IPO7: variants seen among roughly 807,000 people sequenced by gnomAD.
The protein encoded by IPO7 is importin 7, also known as importin-7.
Under a neutral mutation model 136.4 loss-of-function variants are expected in IPO7, and 13 were observed. The ratio of observed to expected loss-of-function variants is 0.10; its 90% CI spans 0.06 to 0.15. The LOEUF (loss-of-function observed/expected upper bound fraction) is 0.15, where lower values mean the gene tolerates loss of function less well. Ranked by LOEUF, IPO7 falls within the 10% of genes least tolerant of loss-of-function variation. The probability of loss-of-function intolerance (pLI) is 1.00; values close to 1 mark genes in which losing one functional copy is unlikely to be tolerated. For missense variants in IPO7, 857 were observed against 1,240.6 expected, an observed-to-expected ratio of 0.69 and a Z score of 4.65; for synonymous variants, 403 against 404.4, an observed-to-expected ratio of 1.00 and a Z score of 0.04.
intron 1 of IPO7, among the ~76,000 whole-genome samples, chr11:9,391,175 G>A (rs1306761484): frequency 2.6e-5 from 4 of 152,040 alleles, no homozygotes; most frequent in East Asian, 1.9e-4. Context: ...CGAGGTGGGC[G>A]GATCACAAGG....
intron 6 of IPO7, among the ~76,000 whole-genome samples, chr11:9,417,694 T>C (rs369947877): frequency 1.3e-5 from 2 of 151,654 alleles, no homozygotes; most frequent in East Asian, 3.8e-4. Flanking sequence ...AATTTTTCTT[T>C]ATAGTCTAGT....
At chr11:9,411,691 A>G (rs1222320086) in intron 4 of IPO7, among the ~76,000 whole-genome samples, 3 of 152,174 alleles carry the variant, frequency 2.0e-5, no homozygotes, top group Non-Finnish European at 4.4e-5. Flanking sequence ...AGGATTTTCT[A>G]TGAGTATGGT....
At chr11:9,412,165 G>A (rs1171185854) in intron 4 of IPO7, among the ~76,000 whole-genome samples, 2 of 152,164 alleles carry the variant, frequency 1.3e-5, no homozygotes, top group Non-Finnish European at 2.9e-5. Flanking sequence ...GAAATAATTT[G>A]TCAGTAGATA....
intron 1 of IPO7, among the ~76,000 whole-genome samples, chr11:9,396,556 A>G (rs1449375191): frequency 6.6e-6 from 1 of 152,136 alleles, no homozygotes; most frequent in Admixed American, 6.5e-5. Context: ...GAAAATTCAT[A>G]TCTTACCAGT....
At chr11:9,426,254 A>C (rs2133753189) in intron 12 of IPO7, among the ~76,000 whole-genome samples, 2 of 152,326 alleles carry the variant, frequency 1.3e-5, no homozygotes, top group Middle Eastern at 3.4e-3. Context: ...TGGACATTTT[A>C]TATAAATGGA....
intron 1 of IPO7, 137 bp downstream of exon 1, chr11:9,384,984 C>T (rs1854530611): frequency 7.6e-6 from 5 of 654,228 alleles, no homozygotes; most frequent in Admixed American, 5.7e-5. Flanking sequence ...CATCTGACGG[C>T]GACTTCCACG....
chr11:9,439,588 G>A (rs1337208546), intron 22 of IPO7, among the ~76,000 whole-genome samples: 1 of 150,774 alleles, frequency 6.6e-6, no homozygotes, highest in Admixed American at 6.6e-5. Context: ...TTTTTTTGTT[G>A]TTGTTGTTGA....
intron 6 of IPO7, among the ~76,000 whole-genome samples, chr11:9,419,230 C>T (rs538968836): frequency 2.6e-5 from 4 of 152,052 alleles, no homozygotes; most frequent in Admixed American, 6.6e-5. Flanking sequence ...TCTGTATATT[C>T]ACTTCCTTAT....
intron 1 of IPO7, among the ~76,000 whole-genome samples, chr11:9,387,069 T>G (rs1419793361): frequency 6.6e-6 from 1 of 152,228 alleles, no homozygotes; most frequent in African/African-American, 2.4e-5. Flanking sequence ...GGGAGACAGA[T>G]CTCAGACAAG....
chr11:9,428,441 G>A, intron 12 of IPO7, 99 bp from the exon 13 acceptor site: 1 of 528,372 alleles, frequency 1.9e-6, no homozygotes, highest in South Asian at 3.9e-5. Flanking sequence ...ATAAATATAT[G>A]TAACATTAAT....
At chr11:9,393,480 A>G (rs569782319) in intron 1 of IPO7, among the ~76,000 whole-genome samples, 2 of 152,134 alleles carry the variant, frequency 1.3e-5, no homozygotes, top group Admixed American at 1.3e-4. Flanking sequence ...CCTGGGTTCA[A>G]GCAGTTCTCC....
chr11:9,397,332 T>TAAAAAAAAAAAAAAAAAA lies in IPO7; in HGVS notation c.85-5958_85-5957insAAAAAAAAAAAAAAAAAA, dbSNP rs757736784. ...AAACCCCGTCTTTACTAAAAATAATTTAAAAAAAAATATATATATATATAT... is the reference window on the plus strand; with the variant it reads ...AAACCCCGTCTTTACTAAAAATAATTAAAAAAAAAAAAAAAAAATAAAAAAAAATATATATATATATAT... On this transcript the variant is annotated intron_variant, in intron 1 of 24. Coordinates refer to ENST00000379719, the MANE Select transcript of IPO7 (RefSeq NM_006391.3). 2.4e-3 allele frequency among the ~76,000 whole-genome samples: 29 copies of TAAAAAAAAAAAAAAAAAA among 12,138 alleles called. 13 individuals are homozygous for TAAAAAAAAAAAAAAAAAA. The highest frequency in any genetic ancestry group is 3.2e-3 in the Admixed American group (2 of 634). The allele number at this position is 12,138 out of a possible 152,430, so 8.0% of individuals were successfully genotyped here.
At chr11:9,395,195 T>G (rs1854691310) in intron 1 of IPO7, among the ~76,000 whole-genome samples, 1 of 152,198 alleles carries the variant, frequency 6.6e-6, no homozygotes, top group South Asian at 2.1e-4. Flanking sequence ...GTTTTTGTGA[T>G]AAAGATTGAA....
chr11:9,438,044 AGT>A, intron 21 of IPO7, 34 bp from the exon 22 acceptor site: 4 of 1,035,542 alleles, frequency 3.9e-6, no homozygotes, highest in Non-Finnish European at 2.7e-6. Flanking sequence ...AAAAGAAAAC[AGT>A]TTTTTTTTTT....
chr11:9,422,545 T>C (rs993637130), intron 8 of IPO7, among the ~76,000 whole-genome samples: 1 of 152,196 alleles, frequency 6.6e-6, no homozygotes, highest in African/African-American at 2.4e-5. Context: ...GAAGTAGAGT[T>C]AGAACTATTG....
At chr11:9,390,640 G>A (rs1460701404) in intron 1 of IPO7, among the ~76,000 whole-genome samples, 2 of 152,174 alleles carry the variant, frequency 1.3e-5, no homozygotes, top group African/African-American at 4.8e-5. Flanking sequence ...GTTATTCAAT[G>A]ATATAGCTTG....
In IPO7 at chr11:9,408,655, A is replaced by T. The variant is rs371842337; in HGVS notation, c.320+16A>T. 398 of 1,466,600 alleles carry T rather than the reference A, an allele frequency of 2.7e-4. No individual in the cohort carries two copies. Among genetic ancestry groups the T allele is most frequent in the Non-Finnish European group, 3.5e-4 (385 of 1,106,836 alleles). 90.8% of individuals were successfully genotyped at this position (1,466,600 alleles called of 1,614,324 possible). ...AGCTCATCAGGTATGTATTTTTAAA[A>T]TTTACCCATTTCTGCAGGTGTGTAA... On this transcript the variant is annotated intron_variant, in intron 3 of 24. Transcript: ENST00000379719.
chr11:9,408,646 AT>A lies in IPO7; in HGVS notation c.320+12del, dbSNP rs759083784. 2 of 1,383,144 alleles carry A rather than the reference AT, an allele frequency of 1.4e-6. No individual in the cohort carries two copies. The highest frequency in any genetic ancestry group is 1.5e-5 in the South Asian group (1 of 67,186). 85.7% of individuals were successfully genotyped at this position (1,383,144 alleles called of 1,614,324 possible). A position where few individuals can be genotyped will look rare whatever the true frequency, so the allele number is the denominator to read the frequency against. On this transcript the variant is annotated splice_region_variant and intron_variant, in intron 3 of 24. Transcript: ENST00000379719. ...ATTCTCCTGAGCTCATCAGGTATGTATTTTTAAAATTTACCCATTTCTGCAG... is the reference window on the plus strand; with the variant it reads ...ATTCTCCTGAGCTCATCAGGTATGTATTTTAAAATTTACCCATTTCTGCAG...
At chr11:9,390,402 G>C (rs1034899431) in intron 1 of IPO7, among the ~76,000 whole-genome samples, 1 of 151,554 alleles carries the variant, frequency 6.6e-6, no homozygotes, top group African/African-American at 2.4e-5. Flanking sequence ...TGGTTCATTT[G>C]ATTCCATTTT....
Sources: allele counts gnomAD v4.1 joint callset (sites outside exome capture counted in the v4.1 genomes callset), GRCh38; gene constraint gnomAD v4.1.1; transcripts MANE v1.5; gene names NCBI Gene and HGNC (gene_info 2026-07-23, HGNC 2026-07-21).